SLTM: variants seen among roughly 807,000 people sequenced by gnomAD.
The protein encoded by SLTM is SAFB like transcription modulator.
In SLTM, 43 loss-of-function variants were observed where a neutral mutation model predicts 134.6. The ratio of observed to expected loss-of-function variants is 0.32; its 90% CI spans 0.25 to 0.41. SLTM has a LOEUF of 0.41. SLTM is among the 10% of genes least tolerant of loss of function. The probability of loss-of-function intolerance (pLI) is 1.00; values close to 1 mark genes in which losing one functional copy is unlikely to be tolerated. For synonymous variants in SLTM, 424 were observed against 432.3 expected (o/e 0.98, Z 0.24); for missense variants, 1,055 against 1,288.8 (o/e 0.82, Z 2.78).
At chr15:58,907,258 T>C (rs1441187144) in intron 5 of SLTM, among the ~76,000 whole-genome samples, 2 of 152,014 alleles carry the variant, frequency 1.3e-5, no homozygotes, top group Non-Finnish European at 2.9e-5. Flanking sequence ...CAAAGGCAAA[T>C]AGAAAAAGGA....
chr15:58,930,358 G>A (rs1458401717), intron 2 of SLTM, among the ~76,000 whole-genome samples: 3 of 144,668 alleles, frequency 2.1e-5, no homozygotes, highest in Non-Finnish European at 3.0e-5. Context: ...TCGAATTCCC[G>A]ACCGCAGGTG....
chr15:58,917,724 G>A (rs903959692), intron 2 of SLTM, among the ~76,000 whole-genome samples: 8 of 151,954 alleles, frequency 5.3e-5, no homozygotes, highest in Admixed American at 3.9e-4. Flanking sequence ...TTTGCAACCT[G>A]GTAGTTAGAA....
chr15:58,889,247 G>GAAAC lies in SLTM; in HGVS notation c.2204+179_2204+182dup, dbSNP rs1350893487. On this transcript the variant is annotated intron_variant, in intron 16 of 20. Transcript: ENST00000380516. ...GGCATCAGAAAGGTAGACAGGGAAA[G>GAAAC]AAACACAGACTGTTCCCACTTGCTA... 6 of 601,506 alleles carry GAAAC rather than the reference G, an allele frequency of 1.0e-5. No homozygotes were observed. The Admixed American group carries it at 2.1e-4, about 21-fold the overall frequency. The allele number at this position is 601,506 out of a possible 1,614,324, so 37.3% of individuals were successfully genotyped here.
chr15:58,891,732 T>C (rs1401905674), intron 14 of SLTM, among the ~76,000 whole-genome samples: 3 of 152,248 alleles, frequency 2.0e-5, no homozygotes, highest in Non-Finnish European at 2.9e-5. Context: ...ATTTTTATTA[T>C]AAATTACTTT....
chr15:58,890,530 T>C (rs2034569786), intron 14 of SLTM, 69 bp from the exon 15 acceptor site: 1 of 1,465,046 alleles, frequency 6.8e-7, no homozygotes, highest in African/African-American at 1.4e-5. Context: ...TAGCTTTGAA[T>C]TTGAATTTTT....
At chr15:58,900,050 A>T in intron 6 of SLTM, 113 bp from the exon 7 acceptor site, 2 of 737,268 alleles carry the variant, frequency 2.7e-6, no homozygotes, top group South Asian at 2.2e-5. Flanking sequence ...GCACTGATGG[A>T]AGTTAGGGAA....
At chr15:58,917,881 C>T (rs1179957275) in intron 2 of SLTM, among the ~76,000 whole-genome samples, 1 of 152,020 alleles carries the variant, frequency 6.6e-6, no homozygotes, top group Non-Finnish European at 1.5e-5. Flanking sequence ...TCCCAAGTAG[C>T]TGGAATTACA....
At chr15:58,920,616 C>G (rs1322576958) in intron 2 of SLTM, among the ~76,000 whole-genome samples, 1 of 130,224 alleles carries the variant, frequency 7.7e-6, no homozygotes, top group Non-Finnish European at 1.6e-5. Flanking sequence ...GAATGGGACT[C>G]CATCTCAAAA....
In SLTM at chr15:58,883,487, C is replaced by T. The variant is rs750793478; in HGVS notation, c.2996+139G>A. The stretch of plus-strand genomic sequence containing the variant: ...TCTGCAAACACTCTTTTGGAGACTA[C>T]GGGTTGATACAGGGAAATGTTCAGG... On this transcript the variant is annotated intron_variant, in intron 20 of 20. Transcript: ENST00000380516. 124 of 1,078,826 alleles carry T rather than the reference C, an allele frequency of 1.1e-4. 1 individual carries two copies. Among genetic ancestry groups the T allele is most frequent in the Middle Eastern group, 5.8e-4 (2 of 3,430 alleles). 66.8% of individuals were successfully genotyped at this position (1,078,826 alleles called of 1,614,324 possible).
intron 9 of SLTM, among the ~76,000 whole-genome samples, chr15:58,895,039 C>A (rs544063638): frequency 6.6e-6 from 1 of 152,088 alleles, no homozygotes; most frequent in South Asian, 2.1e-4. Context: ...TCTACGTTAC[C>A]CATCTTAGTA....
intron 2 of SLTM, among the ~76,000 whole-genome samples, chr15:58,928,892 G>A (rs991811628): frequency 1.3e-5 from 2 of 152,022 alleles, no homozygotes; most frequent in Non-Finnish European, 2.9e-5. Flanking sequence ...GAAGAAAAAC[G>A]ATACTGATTT....
At position 58,919,707 on chromosome 15, in the gene SLTM, G is replaced by C. The variant is rs569929534; in HGVS notation, c.251-2708C>G. 1.2e-3 allele frequency among the ~76,000 whole-genome samples: 183 copies of C among 152,174 alleles called. 1 individual carries two copies. Among genetic ancestry groups the C allele is most frequent in the Non-Finnish European group, 2.1e-3 (142 of 67,994 alleles). On this transcript the variant is annotated intron_variant, in intron 2 of 20. Transcript: ENST00000380516. ...AAATAGCCTATAGAGCAGAACTTTT[G>C]GGGGAATTCCTGTAGATCATTTATA...
intron 2 of SLTM, among the ~76,000 whole-genome samples, chr15:58,928,047 T>A (rs1760271688): frequency 6.6e-6 from 1 of 152,218 alleles, no homozygotes; most frequent in Non-Finnish European, 1.5e-5. Flanking sequence ...AATATATTTG[T>A]TTCTATAGAA....
intron 2 of SLTM, among the ~76,000 whole-genome samples, chr15:58,924,840 G>A (rs2141216705): frequency 6.6e-6 from 1 of 152,144 alleles, no homozygotes; most frequent in East Asian, 1.9e-4. Context: ...TCTTTTCTTT[G>A]AGACAAGGTC....
In SLTM at chr15:58,918,223, TA is replaced by T. The variant is rs755217601; in HGVS notation, c.251-1225del. 8.5e-5 allele frequency among the ~76,000 whole-genome samples: 13 copies of T among 152,138 alleles called. No individual in the cohort carries two copies. In the East Asian group the frequency reaches 2.1e-3, roughly 25 times the overall value. On this transcript the variant is annotated intron_variant, in intron 2 of 20. Coordinates refer to ENST00000380516, the MANE Select transcript of SLTM (RefSeq NM_024755.4). ...AAAAAGACATCTGCTGGAAGTTTAT[TA>T]AAAAAAATTTTTTTTTTCATTTCTT... is the stretch of plus-strand genomic sequence containing the variant.
In SLTM at chr15:58,913,490, G is replaced by C. The variant is rs1322744217; in HGVS notation, c.513+9C>G. The stretch of plus-strand genomic sequence containing the variant: ...CTGTGTCATGTTTTAAAAAAAACTG[G>C]CTAAAGACCTGACTTTCGATGTCCT... On this transcript the variant is annotated intron_variant, in intron 4 of 20. Transcript: ENST00000380516. The C allele has an allele frequency of 6.3e-7, 1 of 1,590,306 alleles. No individual in the cohort carries two copies. The highest frequency in any genetic ancestry group is 8.5e-7 in the Non-Finnish European group (1 of 1,170,422).
chr15:58,890,609 A>G, intron 14 of SLTM, 148 bp from the exon 15 acceptor site: 2 of 777,972 alleles, frequency 2.6e-6, no homozygotes, highest in South Asian at 2.2e-5. Flanking sequence ...AAGAGAATTC[A>G]AAGTAAAACT....
chr15:58,897,087 GAC>G (rs1362771804), intron 9 of SLTM, 26 bp downstream of exon 9: 16 of 1,310,332 alleles, frequency 1.2e-5, no homozygotes, highest in Non-Finnish European at 1.8e-5. Flanking sequence ...ACACCAGAAA[GAC>G]AGATAAAAAG....
At chr15:58,922,574 TA>T (rs2037162258) in intron 2 of SLTM, among the ~76,000 whole-genome samples, 1 of 138,990 alleles carries the variant, frequency 7.2e-6, no homozygotes, top group Non-Finnish European at 1.5e-5. Context: ...TAATATATAT[TA>T]TATACGTATA....
Sources: gnomAD v4.1 joint callset for allele counts (sites outside exome capture counted in the v4.1 genomes callset) on GRCh38, gnomAD v4.1.1 for gene constraint, MANE v1.5 for transcripts, NCBI Gene and HGNC (gene_info 2026-07-23, HGNC 2026-07-21) for gene names.